Variants in UNC45A observed in about 807,000 individuals in gnomAD.
The protein encoded by UNC45A is protein unc-45 homolog A.
A neutral mutation model predicts 103.2 loss-of-function variants in UNC45A; 78 were observed. That is an observed-to-expected ratio of 0.76 (90% CI 0.63 to 0.91). The LOEUF (loss-of-function observed/expected upper bound fraction) is 0.91. Ranked by LOEUF, UNC45A falls within the 40% of genes least tolerant of loss-of-function variation. The probability of loss-of-function intolerance (pLI) is 0.00; values close to 1 mark genes in which losing one functional copy is unlikely to be tolerated. For missense variants in UNC45A, 1,193 were observed against 1,224.8 expected, an observed-to-expected ratio of 0.97 and a Z score of 0.39; for synonymous variants, 495 against 504.6, an observed-to-expected ratio of 0.98 and a Z score of 0.25.
intron 4 of UNC45A, among the ~76,000 whole-genome samples, chr15:90,939,078 C>G (rs1245387078): frequency 6.6e-6 from 1 of 151,962 alleles, no homozygotes; most frequent in Non-Finnish European, 1.5e-5. Context: ...ATCTTGGGTT[C>G]AAGTGATTCT....
upstream of UNC45A, chr15:90,934,297 G>T (rs1030040333): frequency 1.0e-5 from 4 of 399,012 alleles, no homozygotes; most frequent in East Asian, 3.6e-5. Flanking sequence ...CTGTGGAAAG[G>T]CCCCTCCTGC....
At chr15:90,935,410 C>T (rs1029961214) in intron 1 of UNC45A, 35 bp downstream of exon 1, 2 of 1,584,718 alleles carry the variant, frequency 1.3e-6, no homozygotes, top group African/African-American at 1.3e-5. Context: ...CACCCCTTCG[C>T]ACCCGCCCTG....
intron 6 of UNC45A, among the ~76,000 whole-genome samples, chr15:90,941,816 G>A (rs554417898): frequency 2.6e-5 from 4 of 152,120 alleles, no homozygotes; most frequent in African/African-American, 7.2e-5. Context: ...AAAATTAGCC[G>A]GGTGCGGTGG....
upstream of UNC45A, chr15:90,932,482 C>A: frequency 7.6e-7 from 1 of 1,308,306 alleles, no homozygotes; most frequent in East Asian, 3.0e-5. Flanking sequence ...CCGCTGCTGC[C>A]GGTGCTTGCG....
intron 17 of UNC45A, 36 bp from the exon 18 acceptor site, chr15:90,952,893 A>C: frequency 6.3e-7 from 1 of 1,591,114 alleles, no homozygotes; most frequent in Non-Finnish European, 8.6e-7. Flanking sequence ...AAACATCCAA[A>C]CCGTATCCCT....
At chr15:90,941,277 G>A (rs2036278054) in intron 6 of UNC45A, among the ~76,000 whole-genome samples, 1 of 152,166 alleles carries the variant, frequency 6.6e-6, no homozygotes. Context: ...ATGGATGGTG[G>A]TGGCCCAGCA....
At chr15:90,949,564 C>G in intron 14 of UNC45A, 90 bp from the exon 15 acceptor site, 1 of 1,596,324 alleles carries the variant, frequency 6.3e-7, no homozygotes, top group Non-Finnish European at 8.6e-7. Flanking sequence ...GGGCTGCCTG[C>G]GTGGCTGCCG....
intron 9 of UNC45A, among the ~76,000 whole-genome samples, chr15:90,946,253 CAAA>C (rs60118193): frequency 0.26 from 27,554 of 104,708 alleles, 4,390 homozygotes; most frequent in African/African-American, 0.51. Context: ...GACTCTGTCT[CAAA>C]AAAAAAAAAA....
upstream of UNC45A, chr15:90,930,327 G>A (rs2035746818): frequency 6.6e-6 from 1 of 152,270 alleles, no homozygotes; most frequent in Admixed American, 6.5e-5. Context: ...CCCAGCAGTG[G>A]TTGTCAGTAA....
At chr15:90,949,888 T>C in intron 15 of UNC45A, 168 bp downstream of exon 15, 1 of 762,788 alleles carries the variant, frequency 1.3e-6, no homozygotes, top group East Asian at 2.7e-5. Flanking sequence ...GCAAGCTCCT[T>C]GGCCCCTCCA....
chr15:90,950,957 A>T (rs933742820), intron 17 of UNC45A, among the ~76,000 whole-genome samples: 1 of 152,220 alleles, frequency 6.6e-6, no homozygotes, highest in Non-Finnish European at 1.5e-5. Context: ...ACCTAAAAGT[A>T]CTTACTACAT....
At chr15:90,952,775 C>T (rs1054982779) in intron 17 of UNC45A, 154 bp from the exon 18 acceptor site, 19 of 653,050 alleles carry the variant, frequency 2.9e-5, no homozygotes, top group African/African-American at 1.6e-4. Context: ...CTTACTATCA[C>T]GAGGATAGCA....
In UNC45A at chr15:90,948,670, T is replaced by G. The variant is rs375704046; in HGVS notation, c.1754T>G (p.Val585Gly). ...FQLSRLEERS[V>G]LFAVASALVN... Reference sequence around the variant, plus strand: ...TCCTGGCAGTTGGAGGAGAGGTCAGTGCTCTTTGCGGTGGCCTCAGCGCTG... The same window carrying G: ...TCCTGGCAGTTGGAGGAGAGGTCAGGGCTCTTTGCGGTGGCCTCAGCGCTG... Residue 585 changes from valine to glycine, a missense_variant, in exon 13 of 20, where the codon GTG (valine) becomes GGG (glycine). Coordinates refer to ENST00000418476, the MANE Select transcript of UNC45A (RefSeq NM_018671.5). 7.2e-5 allele frequency: 117 copies of G among 1,613,904 alleles called. No homozygotes were observed. Among genetic ancestry groups the G allele is most frequent in the Non-Finnish European group, 6.0e-5 (71 of 1,179,974 alleles).
intron 9 of UNC45A, 125 bp from the exon 10 acceptor site, chr15:90,946,489 A>T (rs1237130657): frequency 2.7e-6 from 3 of 1,125,424 alleles, no homozygotes; most frequent in Admixed American, 2.9e-5. Flanking sequence ...TAGTCCTCCC[A>T]TTGGCAGCTT....
At chr15:90,942,780 G>A (rs2036359958) in intron 7 of UNC45A, 132 bp from the exon 8 acceptor site, 2 of 1,488,616 alleles carry the variant, frequency 1.3e-6, no homozygotes, top group Non-Finnish European at 1.8e-6. Flanking sequence ...TCAGGACAAA[G>A]CTGGAGCTCA....
intron 17 of UNC45A, among the ~76,000 whole-genome samples, chr15:90,952,056 A>G (rs74039170): frequency 0.055 from 8,385 of 152,286 alleles, 783 homozygotes; most frequent in African/African-American, 0.19. Context: ...TAGAAGGCTA[A>G]GAAGCACTGT....
chr15:90,942,608 G>A lies in UNC45A; in HGVS notation c.856+3G>A. 1 of 1,614,204 alleles carries A rather than the reference G, an allele frequency of 6.2e-7. No individual in the cohort carries two copies. Among genetic ancestry groups the A allele is most frequent in the Middle Eastern group, 1.6e-4 (1 of 6,062 alleles). On this transcript the variant is annotated splice_donor_region_variant and intron_variant, in intron 7 of 19. Coordinates refer to ENST00000418476, the MANE Select transcript of UNC45A (RefSeq NM_018671.5). ...CAAAGAAGGTGCCATCATTGTGGGT[G>A]AGTGGAAGCAGGTCTGGGGTCTTTT...
At chr15:90,949,870 G>C in intron 15 of UNC45A, 150 bp downstream of exon 15, 2 of 874,872 alleles carry the variant, frequency 2.3e-6, no homozygotes, top group South Asian at 3.1e-5. Context: ...AGAGTGACGC[G>C]GAAGCAGGCA....
At position 90,939,750 on chromosome 15, in the gene UNC45A, C is replaced by T. The variant is rs142154255; in HGVS notation, c.446C>T (p.Thr149Met). The change falls in exon 5 of 20, where the codon ACG becomes ATG. Residue 149 changes from threonine to methionine, a missense_variant. Thr to Met is a moderately conservative substitution (Grantham distance 81). Coordinates refer to ENST00000418476, the MANE Select transcript of UNC45A (RefSeq NM_018671.5). Reference sequence around the variant, plus strand: ...GTCTAGGTGCGATACATGTCCTCGACGGATGCCAAAGTGGAACAGATGTTT... The same window carrying T: ...GTCTAGGTGCGATACATGTCCTCGATGGATGCCAAAGTGGAACAGATGTTT... ...IQEKVRYMSS[T>M]DAKVEQMFQI... 91 of 1,614,192 alleles carry T rather than the reference C, an allele frequency of 5.6e-5. 1 individual carries two copies. The highest frequency in any genetic ancestry group is 4.7e-4 in the Admixed American group (28 of 60,028).
Sources: allele counts gnomAD v4.1 joint callset (sites outside exome capture counted in the v4.1 genomes callset), GRCh38; gene constraint gnomAD v4.1.1; transcripts MANE v1.5; gene names NCBI Gene and HGNC (gene_info 2026-07-23, HGNC 2026-07-21).